SCAF8: variants seen among roughly 807,000 people sequenced by gnomAD.
SCAF8 encodes the protein SR-related and CTD-associated factor 8.
Under a neutral mutation model 140.5 loss-of-function variants are expected in SCAF8, and 23 were observed. That is an observed-to-expected ratio of 0.16 (90% CI 0.12 to 0.23). The LOEUF is 0.23. Ranked by LOEUF, SCAF8 falls within the 10% of genes least tolerant of loss-of-function variation. The pLI, the probability that SCAF8 is intolerant of heterozygous loss-of-function variation, is 1.00. For missense variants in SCAF8, 1,397 were observed against 1,555.7 expected (o/e 0.90, Z 1.72); for synonymous variants, 575 against 528.9 (o/e 1.09, Z -1.20).
At chr6:154,818,379 A>C in intron 13 of SCAF8, 100 bp from the exon 14 acceptor site, 1 of 482,550 alleles carries the variant, frequency 2.1e-6, no homozygotes, top group Admixed American at 4.0e-5. Flanking sequence ...TCAGAATTGA[A>C]GTATTAGTAA....
chr6:154,828,890 G>A (rs983419658), intron 18 of SCAF8, among the ~76,000 whole-genome samples: 6 of 152,128 alleles, frequency 3.9e-5, no homozygotes, highest in African/African-American at 9.7e-5. Context: ...AAACAGTAAC[G>A]TGATTGCTTT....
rs76016751 is a variant in SCAF8, at chr6:154,783,631, G to C, written c.160-4230G>C. ...CATCATGAAAGTTTTTTGTTTTCTA[G>C]AAAGTTGATCTGGTAGCTGTATGTA... is the stretch of plus-strand genomic sequence containing the variant. On this transcript the variant is annotated intron_variant, in intron 3 of 19. Transcript: ENST00000367178. Among the ~76,000 whole-genome samples, 482 of 152,310 alleles carry C rather than the reference G, an allele frequency of 3.2e-3. 2 individuals carry two copies. Among genetic ancestry groups the C allele is most frequent in the Non-Finnish European group, 5.5e-3 (372 of 68,030 alleles).
chr6:154,791,647 T>A (rs78366258), intron 4 of SCAF8, among the ~76,000 whole-genome samples: 24 of 151,778 alleles, frequency 1.6e-4, no homozygotes, highest in Non-Finnish European at 2.8e-4. Context: ...TTTGTTTTTT[T>A]AAAAAATGTG....
intron 1 of SCAF8, among the ~76,000 whole-genome samples, chr6:154,750,304 C>G (rs1778807159): frequency 6.6e-6 from 1 of 152,058 alleles, no homozygotes; most frequent in Admixed American, 6.6e-5. Context: ...AGATACCTAA[C>G]TAAATATATG....
intron 6 of SCAF8, 27 bp from the exon 7 acceptor site, chr6:154,801,944 T>C (rs1562453603): frequency 4.6e-6 from 7 of 1,527,764 alleles, no homozygotes; most frequent in Non-Finnish European, 5.3e-6. Flanking sequence ...AACACCTGTT[T>C]TGTAATATAT....
At chr6:154,735,936 C>G (rs753460207) in intron 1 of SCAF8, among the ~76,000 whole-genome samples, 1 of 151,560 alleles carries the variant, frequency 6.6e-6, no homozygotes, top group African/African-American at 2.4e-5. Flanking sequence ...AAGGGGTCCT[C>G]CTCTCACCTC....
chr6:154,807,870 TTC>T (rs1173931664), intron 9 of SCAF8, among the ~76,000 whole-genome samples, 198 bp from the exon 10 acceptor site: 1 of 152,250 alleles, frequency 6.6e-6, no homozygotes, highest in Non-Finnish European at 1.5e-5. Flanking sequence ...TATGGAGCTG[TTC>T]TCTGCTTTTA....
Position 154,832,936 on chromosome 6 carries a change from AAG to A in SCAF8, c.3360_3361del (p.Gly1121Ter). The A allele has an allele frequency of 1.2e-6, 2 of 1,614,136 alleles. No homozygotes were observed. Among genetic ancestry groups the A allele is most frequent in the Non-Finnish European group, 1.7e-6 (2 of 1,180,018 alleles). ...GTGGTCCAAAAGGCTTACATGAAGA[AAG>A]AGGTAGATTTCGGTCTGGAAACTAT... is the stretch of plus-strand genomic sequence containing the variant. ...YGGPKGLHEE[R>X]GRFRSGNYRF... On this transcript the variant is annotated frameshift_variant, in exon 20 of 20. Coordinates refer to ENST00000367178, the MANE Select transcript of SCAF8 (RefSeq NM_014892.5). LOFTEE classifies it high-confidence loss of function.
intron 18 of SCAF8, among the ~76,000 whole-genome samples, chr6:154,829,258 TG>T (rs1199698409): frequency 6.6e-6 from 1 of 151,920 alleles, no homozygotes; most frequent in Non-Finnish European, 1.5e-5. Context: ...TACATTTTTA[TG>T]GGATATGCAC....
At position 154,795,125 on chromosome 6, in the gene SCAF8, C is replaced by T; in HGVS notation, c.592C>T (p.Pro198Ser). ...GGCTGTAGCTCAGATCTTGCAAAGT[C>T]CTCAAGGCCAGCAGGTGAGCGGTTT... is the stretch of plus-strand genomic sequence containing the variant. ...LAAVAQILQS[P>S]QGQQLQQLIQ... The change falls in exon 6 of 20, where the codon CCT (proline) becomes TCT (serine). Residue 198 changes from proline to serine, a missense_variant. Physicochemically the swap from Pro to Ser is moderately conservative, Grantham distance 74. Coordinates refer to ENST00000367178, the MANE Select transcript of SCAF8 (RefSeq NM_014892.5). 6.2e-7 allele frequency: 1 copy of T among 1,602,232 alleles called. No individual in the cohort carries two copies.
At position 154,815,025 on chromosome 6, in the gene SCAF8, C is replaced by T. The variant is rs1012737934; in HGVS notation, c.1421-691C>T. On this transcript the variant is annotated intron_variant, in intron 12 of 19. Transcript: ENST00000367178. ...GCTTAAAAGGTTCACAGGCCGGGTGCGGTGGCTCACGCCTGTTATCCCAGC... is the reference window on the plus strand; with the variant it reads ...GCTTAAAAGGTTCACAGGCCGGGTGTGGTGGCTCACGCCTGTTATCCCAGC... Among the ~76,000 whole-genome samples the T allele has an allele frequency of 2.6e-5, 4 of 152,088 alleles. No individual in the cohort carries two copies. In the South Asian group the frequency reaches 6.2e-4, roughly 24 times the overall value.
intron 2 of SCAF8, among the ~76,000 whole-genome samples, chr6:154,777,719 G>A (rs1224544925): frequency 6.6e-6 from 1 of 152,174 alleles, no homozygotes; most frequent in Non-Finnish European, 1.5e-5. Context: ...GTTTGTTAAA[G>A]TATGCTTTCA....
chr6:154,798,951 A>G (rs529232449), intron 6 of SCAF8, among the ~76,000 whole-genome samples: 15 of 150,508 alleles, frequency 1.0e-4, no homozygotes, highest in African/African-American at 3.4e-4. Flanking sequence ...ACCTGTAGCC[A>G]GCATGCCTGG....
chr6:154,814,613 C>T (rs1464602934), intron 12 of SCAF8, among the ~76,000 whole-genome samples: 2 of 152,126 alleles, frequency 1.3e-5, no homozygotes, highest in Non-Finnish European at 2.9e-5. Context: ...GTAAAACCTG[C>T]CTGAAACCTG....
intron 3 of SCAF8, among the ~76,000 whole-genome samples, chr6:154,786,048 C>T (rs1300693275): frequency 1.3e-5 from 2 of 152,174 alleles, no homozygotes; most frequent in Non-Finnish European, 2.9e-5. Flanking sequence ...TTTATCAAGA[C>T]AGGAGAATTG....
chr6:154,789,871 C>T (rs756052167), intron 4 of SCAF8, among the ~76,000 whole-genome samples: 37 of 152,104 alleles, frequency 2.4e-4, no homozygotes, highest in Non-Finnish European at 4.9e-4. Context: ...AATGACCTGT[C>T]ATAATTGATT....
chr6:154,750,119 T>C (rs1778802851), intron 1 of SCAF8, among the ~76,000 whole-genome samples: 1 of 137,562 alleles, frequency 7.3e-6, no homozygotes, highest in Non-Finnish European at 1.6e-5. Flanking sequence ...TTGGGGGGGA[T>C]AGGGTGGATG....
rs1364090502 is a variant in SCAF8, at chr6:154,801,955, A to T, written c.607-16A>T. 4 of 1,547,328 alleles carry T rather than the reference A, an allele frequency of 2.6e-6. No homozygotes were observed. In the Admixed American group the frequency reaches 8.4e-5, roughly 33 times the overall value. Reference sequence around the variant, plus strand: ...ACCCAACACCTGTTTTGTAATATATATTTTTTTCTCTCCAGCTTCAACAAT... The same window carrying T: ...ACCCAACACCTGTTTTGTAATATATTTTTTTTTCTCTCCAGCTTCAACAAT... On this transcript the variant is annotated splice_polypyrimidine_tract_variant and intron_variant, in intron 6 of 19. Coordinates refer to ENST00000367178, the MANE Select transcript of SCAF8 (RefSeq NM_014892.5).
chr6:154,735,410 A>G (rs1778388397), intron 1 of SCAF8, among the ~76,000 whole-genome samples: 2 of 151,776 alleles, frequency 1.3e-5, no homozygotes, highest in African/African-American at 2.4e-5. Flanking sequence ...TATTTGGGCT[A>G]TTTTCAATAG....
Sources: allele counts gnomAD v4.1 joint callset (sites outside exome capture counted in the v4.1 genomes callset), GRCh38; gene constraint gnomAD v4.1.1; transcripts MANE v1.5; gene names NCBI Gene and HGNC (gene_info 2026-07-23, HGNC 2026-07-21).